The following NELL1 variants were observed in gnomAD, a reference collection of about 807,000 sequenced individuals.
NELL1 encodes the protein neural EGFL like 1.
Under a neutral mutation model 107.4 loss-of-function variants are expected in NELL1, and 76 were observed. The observed-to-expected ratio is 0.71, with a 90% confidence interval of 0.59 to 0.86. The LOEUF (loss-of-function observed/expected upper bound fraction) is 0.86, where lower values mean the gene tolerates loss of function less well. Among genes scored for constraint, NELL1 ranks in the 40% least tolerant of loss-of-function variants. The probability of loss-of-function intolerance (pLI) is 0.00; values close to 1 mark genes in which losing one functional copy is unlikely to be tolerated. For synonymous variants in NELL1, 353 were observed against 341.2 expected (o/e 1.03, Z -0.38); for missense variants, 1,024 against 1,005.5 (o/e 1.02, Z -0.25).
intron 16 of NELL1, among the ~76,000 whole-genome samples, chr11:21,552,176 T>C (rs1238670622): frequency 1.4e-5 from 2 of 147,654 alleles, no homozygotes; most frequent in Non-Finnish European, 3.0e-5. Flanking sequence ...TTAGGAGATA[T>C]ACCTAATGCT....
At chr11:21,161,589 A>T (rs1044860897) in intron 13 of NELL1, among the ~76,000 whole-genome samples, 5 of 152,254 alleles carry the variant, frequency 3.3e-5, no homozygotes, top group Admixed American at 6.5e-5. Flanking sequence ...CCTCTGTCCC[A>T]TCAGGTTCTG....
chr11:21,483,973 T>C lies in NELL1; in HGVS notation c.1646-50401T>C, dbSNP rs186159295. Reference sequence around the variant, plus strand: ...ACCAAACAATATCCCATTATTTGGGTATCCTATTTTACTTAACATATATAT... The same window carrying C: ...ACCAAACAATATCCCATTATTTGGGCATCCTATTTTACTTAACATATATAT... On this transcript the variant is annotated intron_variant, in intron 15 of 19. Coordinates refer to ENST00000357134, the MANE Select transcript of NELL1 (RefSeq NM_006157.5). Among the ~76,000 whole-genome samples the C allele has an allele frequency of 3.8e-3, 499 of 132,504 alleles. 7 individuals are homozygous for C. Among genetic ancestry groups the C allele is most frequent in the Non-Finnish European group, 5.5e-3 (345 of 62,636 alleles). 86.9% of individuals were successfully genotyped at this position (132,504 alleles called of 152,430 possible).
At chr11:20,987,474 C>A (rs921198885) in intron 12 of NELL1, among the ~76,000 whole-genome samples, 1 of 152,130 alleles carries the variant, frequency 6.6e-6, no homozygotes, top group African/African-American at 2.4e-5. Context: ...AGGAAACTTA[C>A]AATCATGATG....
At chr11:20,724,395 CTG>C (rs1488446129) in intron 2 of NELL1, among the ~76,000 whole-genome samples, 4 of 152,182 alleles carry the variant, frequency 2.6e-5, no homozygotes, top group African/African-American at 9.6e-5. Flanking sequence ...GCATATATAA[CTG>C]AATGCTTTCA....
At chr11:21,218,723 T>C (rs1323198106) in intron 13 of NELL1, among the ~76,000 whole-genome samples, 1 of 152,222 alleles carries the variant, frequency 6.6e-6, no homozygotes, top group Non-Finnish European at 1.5e-5. Context: ...GTCCCAAGTA[T>C]GAGTGAGAAT....
At chr11:21,139,654 G>A (rs146945797) in intron 13 of NELL1, among the ~76,000 whole-genome samples, 182 of 152,288 alleles carry the variant, frequency 1.2e-3, no homozygotes, top group African/African-American at 4.0e-3. Flanking sequence ...CTGGTACATG[G>A]TAGGCACTTG....
chr11:20,713,025 A>C (rs1855151756), intron 2 of NELL1, among the ~76,000 whole-genome samples: 1 of 152,196 alleles, frequency 6.6e-6, no homozygotes, highest in South Asian at 2.1e-4. Context: ...CAGTGGAATT[A>C]CCTGTTGTTT....
At position 21,010,346 on chromosome 11, in the gene NELL1, G is replaced by C. The variant is rs527410877; in HGVS notation, c.1300+49786G>C. Among the ~76,000 whole-genome samples, 7 of 152,036 alleles carry C rather than the reference G, an allele frequency of 4.6e-5. No individual in the cohort carries two copies. The South Asian group carries it at 1.5e-3, about 32-fold the overall frequency. Reference sequence around the variant, plus strand: ...GCCTTTCTCTTATAGTGAGGATTCAGCTTGCTAACTACCCCTTGCTCCACC... The same window carrying C: ...GCCTTTCTCTTATAGTGAGGATTCACCTTGCTAACTACCCCTTGCTCCACC... On this transcript the variant is annotated intron_variant, in intron 12 of 19. Transcript: ENST00000357134.
intron 13 of NELL1, among the ~76,000 whole-genome samples, chr11:21,161,521 A>C (rs540564059): frequency 1.3e-5 from 2 of 152,122 alleles, no homozygotes; most frequent in Non-Finnish European, 2.9e-5. Flanking sequence ...TGGGTGACAG[A>C]ATGAGATTCT....
intron 16 of NELL1, among the ~76,000 whole-genome samples, chr11:21,543,946 A>G (rs181957160): frequency 6.6e-6 from 1 of 152,114 alleles, no homozygotes; most frequent in African/African-American, 2.4e-5. Context: ...GAGTTAGTCT[A>G]ACAGAACCTC....
At chr11:20,806,074 A>C (rs1355133176) in intron 3 of NELL1, among the ~76,000 whole-genome samples, 1 of 151,220 alleles carries the variant, frequency 6.6e-6, no homozygotes, top group Non-Finnish European at 1.5e-5. Flanking sequence ...TGTACTTACT[A>C]ATACCAGAGA....
chr11:20,726,561 C>T (rs1193762592), intron 2 of NELL1, among the ~76,000 whole-genome samples: 5 of 151,972 alleles, frequency 3.3e-5, no homozygotes, highest in Non-Finnish European at 7.4e-5. Context: ...AAAAAACACT[C>T]AATATTATGT....
At chr11:21,048,228 T>G (rs1463766028) in intron 12 of NELL1, among the ~76,000 whole-genome samples, 1 of 152,128 alleles carries the variant, frequency 6.6e-6, no homozygotes, top group Non-Finnish European at 1.5e-5. Flanking sequence ...GATCTGGAGC[T>G]TTTTTTGAAA....
chr11:21,271,978 A>T lies in NELL1; in HGVS notation c.1549+42524A>T, dbSNP rs1464369378. On this transcript the variant is annotated intron_variant, in intron 14 of 19. Coordinates refer to ENST00000357134, the MANE Select transcript of NELL1 (RefSeq NM_006157.5). ...CAGTCCACAGTTCCCAGCATGAGCG[A>T]TGCAGAAGATGGGTGATTTCTGCAT... is the stretch of plus-strand genomic sequence containing the variant. 3.3e-5 allele frequency among the ~76,000 whole-genome samples: 5 copies of T among 152,256 alleles called. No individual in the cohort carries two copies. In the East Asian group the frequency reaches 9.7e-4, roughly 29 times the overall value.
At chr11:20,981,165 GA>G (rs1195993847) in intron 12 of NELL1, among the ~76,000 whole-genome samples, 1 of 152,160 alleles carries the variant, frequency 6.6e-6, no homozygotes, top group Non-Finnish European at 1.5e-5. Context: ...ACTTAAAACT[GA>G]ATTTTGAAGT....
intron 15 of NELL1, among the ~76,000 whole-genome samples, chr11:21,405,780 T>G (rs1852220081): frequency 6.6e-6 from 1 of 151,946 alleles, no homozygotes; most frequent in Non-Finnish European, 1.5e-5. Flanking sequence ...CCTACATTAA[T>G]TCCTTCTACT....
intron 14 of NELL1, among the ~76,000 whole-genome samples, chr11:21,344,914 C>T (rs1384318587): frequency 6.6e-6 from 1 of 152,004 alleles, no homozygotes; most frequent in Non-Finnish European, 1.5e-5. Context: ...GTGAATTTTC[C>T]TTGTAATTTA....
chr11:20,966,201 C>T (rs1221128408), intron 12 of NELL1, among the ~76,000 whole-genome samples: 1 of 151,978 alleles, frequency 6.6e-6, no homozygotes, highest in African/African-American at 2.4e-5. Flanking sequence ...GCTAAGAAGT[C>T]CAAAATGAAG....
intron 2 of NELL1, among the ~76,000 whole-genome samples, chr11:20,778,060 C>T (rs781484989): frequency 3.9e-5 from 6 of 152,190 alleles, no homozygotes; most frequent in African/African-American, 4.8e-5. Context: ...ATGTATAACA[C>T]GTGAGTTCAC....
Sources: gnomAD v4.1 joint callset for allele counts (sites outside exome capture counted in the v4.1 genomes callset) on GRCh38, gnomAD v4.1.1 for gene constraint, MANE v1.5 for transcripts, NCBI Gene and HGNC (gene_info 2026-07-23, HGNC 2026-07-21) for gene names.